The following PACRG variants were observed in gnomAD, a reference collection of about 807,000 sequenced individuals.
The protein encoded by PACRG is parkin coregulated, also known as parkin coregulated gene protein.
In PACRG, 29 loss-of-function variants were observed where a neutral mutation model predicts 29.7. That is an observed-to-expected ratio of 0.98 (90% CI 0.73 to 1.33). PACRG has a LOEUF of 1.33. PACRG is among the 40% of genes most tolerant of loss of function. PACRG has a pLI of 0.00. For synonymous variants in PACRG, 116 were observed against 118.7 expected (o/e 0.98, Z 0.15); for missense variants, 279 against 316.2 (o/e 0.88, Z 0.89).
At chr6:163,294,426 A>G (rs1784719083) in intron 4 of PACRG, among the ~76,000 whole-genome samples, 1 of 152,224 alleles carries the variant, frequency 6.6e-6, no homozygotes. Flanking sequence ...TACTAAAAAC[A>G]AAATTTACAT....
chr6:163,242,294 CAGAT>C (rs1400024656), intron 4 of PACRG, among the ~76,000 whole-genome samples: 1 of 152,212 alleles, frequency 6.6e-6, no homozygotes, highest in African/African-American at 2.4e-5. Flanking sequence ...AAATCACTAA[CAGAT>C]AGATCAGCAC....
At chr6:163,299,793 C>T (rs1364788629) in intron 4 of PACRG, among the ~76,000 whole-genome samples, 5 of 152,122 alleles carry the variant, frequency 3.3e-5, no homozygotes, top group African/African-American at 7.2e-5. Flanking sequence ...CCAGGAGAAT[C>T]GCTTGAACCA....
At chr6:163,101,408 T>A (rs1452691875) in intron 4 of PACRG, 1 of 967,374 alleles carries the variant, frequency 1.0e-6, no homozygotes, top group East Asian at 1.1e-4. Flanking sequence ...AATCACTGAA[T>A]GTTACATATG....
intron 2 of PACRG, among the ~76,000 whole-genome samples, chr6:163,060,084 A>G (rs1308060616): frequency 6.6e-6 from 1 of 152,232 alleles, no homozygotes; most frequent in Non-Finnish European, 1.5e-5. Flanking sequence ...TACAAAATAC[A>G]AAGAAAAAAG....
intron 3 of PACRG, among the ~76,000 whole-genome samples, chr6:163,078,641 T>A (rs1402398278): frequency 6.6e-6 from 1 of 152,066 alleles, no homozygotes; most frequent in African/African-American, 2.4e-5. Flanking sequence ...TCATCATCAT[T>A]CTCTGCCTAA....
chr6:163,170,251 T>C (rs1779009438), intron 4 of PACRG, among the ~76,000 whole-genome samples: 1 of 151,602 alleles, frequency 6.6e-6, no homozygotes, highest in African/African-American at 2.4e-5. Context: ...GAACAAGAGG[T>C]CCCCCAAGAG....
intron 2 of PACRG, among the ~76,000 whole-genome samples, chr6:162,849,316 CAG>C (rs1490010683): frequency 7.2e-5 from 11 of 152,116 alleles, no homozygotes; most frequent in South Asian, 2.1e-4. Flanking sequence ...AGCACGGAGA[CAG>C]GGGAGAGAGA....
At chr6:163,110,550 G>A (rs2057502) in intron 4 of PACRG, among the ~76,000 whole-genome samples, 3,662 of 152,272 alleles carry the variant, frequency 0.024, 161 homozygotes, top group African/African-American at 0.083. Flanking sequence ...AGGCAGGAGA[G>A]CACAGCTCAA....
rs150982774 is a variant in PACRG, at chr6:163,129,713, C to G, written c.613+40305C>G. ...TAGGAGCACGGACTCCACCTCTTTC[C>G]GACTGTACATCCTTGGCCAAGGTAT... On this transcript the variant is annotated intron_variant, in intron 4 of 4. Coordinates refer to ENST00000366888, the MANE Select transcript of PACRG (RefSeq NM_001080379.2). Among the ~76,000 whole-genome samples the G allele has an allele frequency of 7.8e-3, 1,191 of 151,842 alleles. 13 individuals carry two copies. Among genetic ancestry groups the G allele is most frequent in the African/African-American group, 0.028 (1,138 of 41,174 alleles).
At chr6:163,133,959 C>T (rs1007384471) in intron 4 of PACRG, among the ~76,000 whole-genome samples, 6 of 152,156 alleles carry the variant, frequency 3.9e-5, no homozygotes, top group South Asian at 4.1e-4. Flanking sequence ...ATTTGAATTT[C>T]GTAACTTATA....
intron 2 of PACRG, among the ~76,000 whole-genome samples, chr6:163,033,880 T>A (rs1807904676): frequency 6.6e-6 from 1 of 152,166 alleles, no homozygotes; most frequent in Non-Finnish European, 1.5e-5. Flanking sequence ...TGAACAGCAG[T>A]CTTACAGGTG....
At chr6:163,102,757 T>C (rs1324015097) in intron 4 of PACRG, among the ~76,000 whole-genome samples, 1 of 152,218 alleles carries the variant, frequency 6.6e-6, no homozygotes, top group African/African-American at 2.4e-5. Context: ...TCAGGGAGGA[T>C]GATACATCAC....
rs531490952 is a variant in PACRG, at chr6:163,275,521, C to A, written c.614-39306C>A. The stretch of plus-strand genomic sequence containing the variant: ...TCACATTTTTTTCAAAACTGTTTGC[C>A]TTTAGACTTTTTATTTGAAGAACAG... On this transcript the variant is annotated intron_variant, in intron 4 of 4. Transcript: ENST00000366888. Among the ~76,000 whole-genome samples, 6 of 152,192 alleles carry A rather than the reference C, an allele frequency of 3.9e-5. No individual in the cohort carries two copies. The South Asian group carries it at 1.0e-3, about 26-fold the overall frequency.
At chr6:163,195,388 G>A (rs1340500759) in intron 4 of PACRG, among the ~76,000 whole-genome samples, 1 of 152,118 alleles carries the variant, frequency 6.6e-6, no homozygotes, top group Non-Finnish European at 1.5e-5. Context: ...ACACTTCCAA[G>A]ACTATCTCCT....
At chr6:162,791,764 G>A (rs1381492898) in intron 1 of PACRG, among the ~76,000 whole-genome samples, 2 of 152,134 alleles carry the variant, frequency 1.3e-5, no homozygotes, top group Admixed American at 6.5e-5. Context: ...GAAGGAGGAT[G>A]GGGAATGCAG....
intron 2 of PACRG, among the ~76,000 whole-genome samples, chr6:163,037,219 C>G (rs574266041): frequency 2.7e-4 from 41 of 152,320 alleles, no homozygotes; most frequent in African/African-American, 9.6e-4. Context: ...GGTCTCAGGG[C>G]TTCACTTCCC....
chr6:163,150,762 A>C (rs1246079631), intron 4 of PACRG, among the ~76,000 whole-genome samples: 1 of 152,228 alleles, frequency 6.6e-6, no homozygotes. Flanking sequence ...TGAAATCTGG[A>C]TCCAACAGTC....
intron 2 of PACRG, among the ~76,000 whole-genome samples, chr6:162,944,134 C>A (rs1798830991): frequency 6.6e-6 from 1 of 152,186 alleles, no homozygotes; most frequent in Admixed American, 6.5e-5. Flanking sequence ...TACCTGTCCT[C>A]CTTATCTCAG....
chr6:162,949,816 G>C (rs1241973992), intron 2 of PACRG, among the ~76,000 whole-genome samples: 1 of 152,134 alleles, frequency 6.6e-6, no homozygotes, highest in Admixed American at 6.5e-5. Flanking sequence ...GAAGAGGGCT[G>C]AACTGGCAGG....
Sources: allele counts gnomAD v4.1 joint callset (sites outside exome capture counted in the v4.1 genomes callset), GRCh38; gene constraint gnomAD v4.1.1; transcripts MANE v1.5; gene names NCBI Gene and HGNC (gene_info 2026-07-23, HGNC 2026-07-21).